The following ADAMTS9 variants were observed in gnomAD, a reference collection of about 807,000 sequenced individuals.
ADAMTS9 encodes A disintegrin and metalloproteinase with thrombospondin motifs 9.
A neutral mutation model predicts 257.1 loss-of-function variants in ADAMTS9; 107 were observed. That is an observed-to-expected ratio of 0.42 (90% confidence interval 0.36 to 0.49). ADAMTS9 has a LOEUF of 0.49. ADAMTS9 is among the 20% of genes least tolerant of loss of function. ADAMTS9 has a pLI of 0.03. For synonymous variants in ADAMTS9, 982 were observed against 880.9 expected (o/e 1.11, Z -2.03); for missense variants, 2,353 against 2,469.1 (o/e 0.95, Z 1.00).
At chr3:64,536,100 C>A (rs892912738) in intron 37 of ADAMTS9, among the ~76,000 whole-genome samples, 1 of 152,174 alleles carries the variant, frequency 6.6e-6, no homozygotes. Flanking sequence ...CCGACCTGGG[C>A]GTCCAGTGTC....
In ADAMTS9 at chr3:64,658,599, T is replaced by G; in HGVS notation, c.872A>C (p.Tyr291Ser). 6.2e-7 allele frequency: 1 copy of G among 1,614,162 alleles called. No individual in the cohort carries two copies. The highest frequency in any genetic ancestry group is 8.5e-7 in the Non-Finnish European group (1 of 1,180,026). Residue 291 changes from tyrosine to serine, a missense_variant, in exon 4 of 40, where the codon TAT becomes TCT. By Grantham distance (144) the Tyr-to-Ser change is moderately radical. Coordinates refer to ENST00000498707, the MANE Select transcript of ADAMTS9 (RefSeq NM_182920.2). ...CACCAAGACTTCTACAAACCGTGGATAGGATAAAAAACGTTTTGTCCTTCT... is the reference window on the plus strand; with the variant it reads ...CACCAAGACTTCTACAAACCGTGGAGAGGATAAAAAACGTTTTGTCCTTCT... ...THRRTKRFLSYPRFVEVLVVA... is the reference protein window; with the variant it reads ...THRRTKRFLSSPRFVEVLVVA...
intron 33 of ADAMTS9, 32 bp from the exon 34 acceptor site, chr3:64,541,652 T>A (rs2083123868): frequency 6.3e-7 from 1 of 1,583,334 alleles, no homozygotes; most frequent in Admixed American, 1.7e-5. Flanking sequence ...AAATAGGGTG[T>A]GATGATCCGA....
chr3:64,559,379 G>C (rs1181084479), intron 30 of ADAMTS9, among the ~76,000 whole-genome samples: 1 of 152,080 alleles, frequency 6.6e-6, no homozygotes, highest in South Asian at 2.1e-4. Context: ...AATATCATAG[G>C]AGATACTCCT....
At position 64,596,923 on chromosome 3, in the gene ADAMTS9, G is replaced by A. The variant is rs377104095; in HGVS notation, c.4086C>T (p.Thr1362=). The A allele has an allele frequency of 3.1e-5, 50 of 1,613,828 alleles. No individual in the cohort carries two copies. The Admixed American group carries it at 3.7e-4, about 12-fold the overall frequency. Residue 1362 remains threonine, a synonymous_variant, in exon 27 of 40, where the codon ACC becomes ACT. Coordinates refer to ENST00000498707, the MANE Select transcript of ADAMTS9 (RefSeq NM_182920.2). ...TTATTCTCTCCACACAGTCGTTTGC[G>A]GTGTATCCATTTTCATCCTGACATA... ...VVVCQDENGY[T]ANDCVERIKP...
intron 28 of ADAMTS9, among the ~76,000 whole-genome samples, chr3:64,593,030 G>T (rs550728918): frequency 7.5e-4 from 114 of 152,264 alleles, no homozygotes; most frequent in African/African-American, 2.7e-3. Context: ...TGCCATTATT[G>T]TAGGGAAAAT....
chr3:64,603,818 A>C (rs1247020472), intron 25 of ADAMTS9, 104 bp downstream of exon 25: 19 of 1,274,378 alleles, frequency 1.5e-5, no homozygotes, highest in Non-Finnish European at 2.1e-5. Context: ...CAGCTCTGAA[A>C]TATTACCCAT....
At chr3:64,655,897 C>T in intron 4 of ADAMTS9, 22 bp from the exon 5 acceptor site, 1 of 1,495,460 alleles carries the variant, frequency 6.7e-7, no homozygotes, top group Non-Finnish European at 9.0e-7. Flanking sequence ...ATAAATTTTT[C>T]AAAGTTAATT....
intron 4 of ADAMTS9, chr3:64,656,117 A>C: frequency 2.5e-6 from 1 of 394,658 alleles, no homozygotes; most frequent in Non-Finnish European, 4.6e-6. Context: ...TTGCATTGCC[A>C]CGTGACTTAA....
At chr3:64,680,184 A>G (rs1010616147) in intron 3 of ADAMTS9, among the ~76,000 whole-genome samples, 4 of 152,348 alleles carry the variant, frequency 2.6e-5, no homozygotes, top group African/African-American at 7.2e-5. Context: ...TGGTACAGGT[A>G]TAAGATGAAG....
chr3:64,685,103 C>CA (rs1484475457), intron 2 of ADAMTS9: 1 of 152,316 alleles, frequency 6.6e-6, no homozygotes, highest in African/African-American at 2.4e-5. Context: ...CGCCCACCCC[C>CA]AAACAATCTC....
intron 32 of ADAMTS9, among the ~76,000 whole-genome samples, chr3:64,544,185 C>T (rs1194394024): frequency 1.3e-5 from 2 of 151,542 alleles, no homozygotes; most frequent in East Asian, 3.9e-4. Context: ...CATGGCCATA[C>T]TGCCCAAGGT....
At chr3:64,645,742 C>A (rs750602041) in intron 11 of ADAMTS9, among the ~76,000 whole-genome samples, 2 of 152,198 alleles carry the variant, frequency 1.3e-5, no homozygotes, top group Non-Finnish European at 2.9e-5. Context: ...CTGCACAGTT[C>A]TTCTCCAAAA....
chr3:64,598,427 C>T (rs2084403104), intron 26 of ADAMTS9, among the ~76,000 whole-genome samples: 1 of 151,668 alleles, frequency 6.6e-6, no homozygotes, highest in South Asian at 2.1e-4. Context: ...AGCAATCTTC[C>T]CACCTCAGTC....
chr3:64,566,517 T>C (rs2083549256), intron 29 of ADAMTS9, among the ~76,000 whole-genome samples: 1 of 152,204 alleles, frequency 6.6e-6, no homozygotes, highest in Non-Finnish European at 1.5e-5. Context: ...TTACCTTATG[T>C]TGGCAAAAAC....
intron 22 of ADAMTS9, among the ~76,000 whole-genome samples, chr3:64,612,662 G>A (rs998583606): frequency 6.6e-5 from 10 of 152,148 alleles, no homozygotes; most frequent in Admixed American, 6.5e-4. Context: ...CTTCTAATGG[G>A]AACTCAGAGT....
chr3:64,623,334 G>A (rs981178331), intron 16 of ADAMTS9, among the ~76,000 whole-genome samples: 11 of 152,174 alleles, frequency 7.2e-5, no homozygotes, highest in Admixed American at 5.9e-4. Flanking sequence ...GCCATGTTGT[G>A]AGGATACTAA....
chr3:64,613,528 C>A lies in ADAMTS9; in HGVS notation c.3190-19G>T. 2 of 1,607,994 alleles carry A rather than the reference C, an allele frequency of 1.2e-6. No homozygotes were observed. The highest frequency in any genetic ancestry group is 1.1e-5 in the South Asian group (1 of 89,828). On this transcript the variant is annotated intron_variant, in intron 21 of 39. Transcript: ENST00000498707. ...CCAAGCACTGTAATGAAAAGCGGAG[C>A]TAGTCAGGGTCATTTCTGATCAATG...
chr3:64,683,311 G>C (rs1227449958), intron 2 of ADAMTS9, among the ~76,000 whole-genome samples: 1 of 152,174 alleles, frequency 6.6e-6, no homozygotes, highest in Non-Finnish European at 1.5e-5. Context: ...CCCTTCAATG[G>C]TACAGAAGCA....
chr3:64,675,417 G>T lies in ADAMTS9; in HGVS notation c.679+5784C>A, dbSNP rs376829999. ...AGGGGTTTGTAGGCCAGGCATGATG[G>T]CTCAGTCCTGTAATCCCAGGGAGAT... On this transcript the variant is annotated intron_variant, in intron 3 of 39. Coordinates refer to ENST00000498707, the MANE Select transcript of ADAMTS9 (RefSeq NM_182920.2). Among the ~76,000 whole-genome samples the T allele has an allele frequency of 2.2e-4, 34 of 152,242 alleles. 1 individual carries two copies. The East Asian group carries it at 2.7e-3, about 12-fold the overall frequency.
Sources: allele counts gnomAD v4.1 joint callset (sites outside exome capture counted in the v4.1 genomes callset), GRCh38; gene constraint gnomAD v4.1.1; transcripts MANE v1.5; gene names NCBI Gene and HGNC (gene_info 2026-07-23, HGNC 2026-07-21).